Variants in SENP7 observed in about 807,000 individuals in gnomAD.
SENP7 encodes the protein sentrin-specific protease 7.
In SENP7, 64 loss-of-function variants were observed where a neutral mutation model predicts 141.2. The ratio of observed to expected loss-of-function variants is 0.45; its 90% CI spans 0.37 to 0.56. The LOEUF (loss-of-function observed/expected upper bound fraction) is 0.56, where lower values mean the gene tolerates loss of function less well. Among genes scored for constraint, SENP7 ranks in the 20% least tolerant of loss-of-function variants. SENP7 has a pLI of 0.00. For synonymous variants in SENP7, 382 were observed against 426.4 expected, an observed-to-expected ratio of 0.90 and a Z score of 1.28; for missense variants, 1,025 against 1,212.2, an observed-to-expected ratio of 0.85 and a Z score of 2.29.
intron 6 of SENP7, among the ~76,000 whole-genome samples, chr3:101,384,735 C>A (rs1007156520): frequency 2.0e-5 from 3 of 152,334 alleles, no homozygotes; most frequent in East Asian, 3.9e-4. Context: ...GCCTGCCAGG[C>A]CAAGTGGGCA....
chr3:101,458,212 T>C (rs987603195), intron 4 of SENP7, among the ~76,000 whole-genome samples: 1 of 152,166 alleles, frequency 6.6e-6, no homozygotes, highest in African/African-American at 2.4e-5. Flanking sequence ...ACAATTTACC[T>C]GAAAAGGGAG....
At position 101,348,487 on chromosome 3, in the gene SENP7, T is replaced by A. The variant is rs111674858; in HGVS notation, c.1658-436A>T. On this transcript the variant is annotated intron_variant, in intron 12 of 23. Coordinates refer to ENST00000394095, the MANE Select transcript of SENP7 (RefSeq NM_020654.5). ...AAGCACAGTATAACTCAGAAAATGA[T>A]ATATTTCCACCTTTTCTATATTGGT... Among the ~76,000 whole-genome samples, 1,036 of 152,266 alleles carry A rather than the reference T, an allele frequency of 6.8e-3. 8 individuals are homozygous for A. Among genetic ancestry groups the A allele is most frequent in the African/African-American group, 0.024 (990 of 41,536 alleles).
At chr3:101,486,210 C>A (rs1349353485) in intron 3 of SENP7, among the ~76,000 whole-genome samples, 1 of 151,892 alleles carries the variant, frequency 6.6e-6, no homozygotes, top group African/African-American at 2.4e-5. Context: ...GGAAAACTTC[C>A]CTGGCCTTGC....
chr3:101,441,833 G>A (rs2062686462), intron 4 of SENP7, among the ~76,000 whole-genome samples: 1 of 152,130 alleles, frequency 6.6e-6, no homozygotes, highest in Non-Finnish European at 1.5e-5. Context: ...CCTTGCCACA[G>A]TCTCCGTTAG....
chr3:101,512,394 C>A (rs1212985262), intron 1 of SENP7, among the ~76,000 whole-genome samples: 1 of 152,128 alleles, frequency 6.6e-6, no homozygotes, highest in Admixed American at 6.5e-5. Context: ...ACGTTGTACA[C>A]AAAACTGAAG....
chr3:101,508,420 C>T (rs1465317334), intron 1 of SENP7, among the ~76,000 whole-genome samples: 1 of 152,006 alleles, frequency 6.6e-6, no homozygotes, highest in African/African-American at 2.4e-5. Context: ...CATGGTGAAA[C>T]CCCATCTCTA....
At chr3:101,476,418 A>G (rs2064220607) in intron 3 of SENP7, among the ~76,000 whole-genome samples, 2 of 152,170 alleles carry the variant, frequency 1.3e-5, no homozygotes. Flanking sequence ...GTCCCTGCAA[A>G]GGACATGAAC....
intron 11 of SENP7, among the ~76,000 whole-genome samples, chr3:101,354,055 C>T (rs1180225629): frequency 6.6e-6 from 1 of 151,880 alleles, no homozygotes; most frequent in Non-Finnish European, 1.5e-5. Flanking sequence ...TTACCCTTTT[C>T]CCTTTTTTAG....
intron 6 of SENP7, among the ~76,000 whole-genome samples, chr3:101,376,040 C>T (rs2060319085): frequency 6.6e-6 from 1 of 152,028 alleles, no homozygotes; most frequent in Non-Finnish European, 1.5e-5. Context: ...ATAATGGTTG[C>T]ACAACAATAT....
chr3:101,462,875 AAAG>A (rs916989912), intron 3 of SENP7, among the ~76,000 whole-genome samples: 1 of 152,134 alleles, frequency 6.6e-6, no homozygotes, highest in Non-Finnish European at 1.5e-5. Context: ...CTAAAAAAAA[AAAG>A]AAGAAACCAC....
intron 3 of SENP7, among the ~76,000 whole-genome samples, chr3:101,477,417 A>G (rs912949595): frequency 2.0e-5 from 3 of 152,208 alleles, no homozygotes; most frequent in African/African-American, 7.2e-5. Flanking sequence ...TCAGCATTTA[A>G]AACCTGTAAC....
chr3:101,489,365 C>G (rs2064865936), intron 3 of SENP7, among the ~76,000 whole-genome samples: 2 of 152,092 alleles, frequency 1.3e-5, no homozygotes. Context: ...CATGGAGTGT[C>G]AAGGTGGATA....
Position 101,398,890 on chromosome 3 carries a change from G to T in SENP7, c.648C>A (p.Asn216Lys). Reference protein sequence around the residue: ...DGSLESYQNLNPHKSCYLSER... With the variant: ...DGSLESYQNLKPHKSCYLSER... ...CAGATAAATAACAGCTCTTGTGAGG[G>T]TTTAGATTTTGATAAGATTCTAGGC... The change falls in exon 6 of 24, where the codon AAC (asparagine) becomes AAA (lysine). Residue 216 changes from asparagine to lysine, a missense_variant. Asn to Lys is a moderately conservative substitution (Grantham distance 94). Coordinates refer to ENST00000394095, the MANE Select transcript of SENP7 (RefSeq NM_020654.5). 1 of 1,608,914 alleles carries T rather than the reference G, an allele frequency of 6.2e-7. No homozygotes were observed. The highest frequency in any genetic ancestry group is 2.2e-5 in the East Asian group (1 of 44,758).
In SENP7 at chr3:101,484,906, G is replaced by A. The variant is rs57510745; in HGVS notation, c.186+8967C>T. Among the ~76,000 whole-genome samples the A allele has an allele frequency of 9.7e-3, 1,479 of 152,198 alleles. 28 individuals are homozygous for A. Among genetic ancestry groups the A allele is most frequent in the African/African-American group, 0.034 (1,398 of 41,502 alleles). ...ACCCTCAGACTGGAAACAGACTTGG[G>A]ACTGTTGAGGGGAGCACAGTGGGAC... On this transcript the variant is annotated intron_variant, in intron 3 of 23. Transcript: ENST00000394095.
Position 101,366,725 on chromosome 3 carries a change from C to G in SENP7, c.1023G>C (p.Lys341Asn). 6.2e-7 allele frequency: 1 copy of G among 1,610,452 alleles called. No homozygotes were observed. The change falls in exon 9 of 24, where the codon AAG becomes AAC. Residue 341 changes from lysine to asparagine, a missense_variant. This residue lies in a region of SENP7 where 496 missense variants were observed against 503.5 expected (regional missense o/e 0.99). Transcript: ENST00000394095. ...GATCCTGATGATAGTTTTCACTTGG[C>G]TTTTCAAACTCAGTGGATATTGTTG... The part of the protein sequence containing the change: ...DDSTISTEFE[K>N]PSENYHQDPK...
intron 5 of SENP7, chr3:101,414,657 G>C: frequency 7.4e-7 from 1 of 1,359,532 alleles, no homozygotes; most frequent in Non-Finnish European, 1.0e-6. Context: ...TGGCCATGGG[G>C]GCTGAGGGCA....
intron 4 of SENP7, among the ~76,000 whole-genome samples, chr3:101,444,420 C>G (rs2062803830): frequency 6.6e-6 from 1 of 151,994 alleles, no homozygotes; most frequent in Non-Finnish European, 1.5e-5. Flanking sequence ...ATAAATCAAG[C>G]TGATATAAAG....
At chr3:101,466,498 C>G (rs1256534414) in intron 3 of SENP7, among the ~76,000 whole-genome samples, 1 of 152,140 alleles carries the variant, frequency 6.6e-6, no homozygotes, top group African/African-American at 2.4e-5. Context: ...ACCAGATCCA[C>G]AAACCTATCC....
chr3:101,380,670 A>T (rs968833115), intron 6 of SENP7, among the ~76,000 whole-genome samples: 226 of 151,920 alleles, frequency 1.5e-3, no homozygotes, highest in Non-Finnish European at 2.3e-3. Flanking sequence ...AAGGAAAAAA[A>T]GTCAAGCAGA....
Sources: allele counts gnomAD v4.1 joint callset (sites outside exome capture counted in the v4.1 genomes callset), GRCh38; gene constraint gnomAD v4.1.1; regional missense constraint gnomAD v4.1.1; transcripts MANE v1.5; gene names NCBI Gene and HGNC (gene_info 2026-07-23, HGNC 2026-07-21).